The following NRG1 variants were observed in gnomAD, a reference collection of about 807,000 sequenced individuals.
NRG1 encodes the protein pro-neuregulin-1, membrane-bound isoform.
NRG1 carries 18 observed loss-of-function variants against 63.8 expected under a neutral mutation model. The ratio of observed to expected loss-of-function variants is 0.28; its 90% confidence interval spans 0.19 to 0.42. The LOEUF is 0.42. Ranked by LOEUF, NRG1 falls within the 10% of genes least tolerant of loss-of-function variation. The probability of loss-of-function intolerance (pLI) is 1.00; values close to 1 mark genes in which losing one functional copy is unlikely to be tolerated. For synonymous variants in NRG1, 302 were observed against 301.3 expected (o/e 1.00, Z -0.02); for missense variants, 762 against 814.7 (o/e 0.94, Z 0.79).
intron 1 of NRG1, among the ~76,000 whole-genome samples, chr8:32,037,478 A>G (rs963731563): frequency 2.6e-5 from 4 of 152,182 alleles, no homozygotes; most frequent in African/African-American, 9.6e-5. Context: ...CACTCAGGAG[A>G]ATCCGCCTCA....
intron 1 of NRG1, among the ~76,000 whole-genome samples, chr8:31,893,550 C>A (rs1173673513): frequency 6.6e-6 from 1 of 150,942 alleles, no homozygotes; most frequent in East Asian, 1.9e-4. Flanking sequence ...ATATACCTAG[C>A]ATATAACATG....
At position 32,008,531 on chromosome 8, in the gene NRG1, A is replaced by G. The variant is rs148229257; in HGVS notation, c.37+369100A>G. ...TCAAATATTAAATATTTTCTTGAGT[A>G]GAATGTATAGTACATATTTTATACT... On this transcript the variant is annotated intron_variant, in intron 1 of 10. Coordinates refer to the NRG1 transcript ENST00000519301. 2.0e-5 allele frequency among the ~76,000 whole-genome samples: 3 copies of G among 152,200 alleles called. No homozygotes were observed. The East Asian group carries it at 5.8e-4, about 29-fold the overall frequency.
chr8:32,706,485 G>T (rs1264116217), intron 5 of NRG1, among the ~76,000 whole-genome samples: 1 of 152,136 alleles, frequency 6.6e-6, no homozygotes, highest in Admixed American at 6.6e-5. Flanking sequence ...CCATATGATG[G>T]TCAGTTAGCT....
At position 32,421,105 on chromosome 8, in the gene NRG1, A is replaced by G. The variant is rs1816654685; in HGVS notation, c.38-174723A>G. 2.0e-5 allele frequency among the ~76,000 whole-genome samples: 3 copies of G among 152,176 alleles called. No individual in the cohort carries two copies. The South Asian group carries it at 6.2e-4, about 31-fold the overall frequency. On this transcript the variant is annotated intron_variant, in intron 1 of 10. Transcript: ENST00000519301. ...CTTTATAAATTACCCAGTCTCAGGT[A>G]TTTCTTCATAGCAGTGTGAGAACAG...
chr8:31,882,201 A>T (rs958972558), intron 1 of NRG1, among the ~76,000 whole-genome samples: 1 of 151,860 alleles, frequency 6.6e-6, no homozygotes, highest in Non-Finnish European at 1.5e-5. Flanking sequence ...GGCCCTTAAG[A>T]ATTATATTAA....
intron 1 of NRG1, among the ~76,000 whole-genome samples, chr8:32,300,470 G>T (rs547433165): frequency 6.6e-6 from 1 of 152,142 alleles, no homozygotes; most frequent in Non-Finnish European, 1.5e-5. Context: ...GTTTATCCAA[G>T]AATCTCTAAA....
intron 1 of NRG1, among the ~76,000 whole-genome samples, chr8:31,714,480 A>C (rs983614107): frequency 6.6e-6 from 1 of 152,092 alleles, no homozygotes; most frequent in African/African-American, 2.4e-5. Flanking sequence ...GATGAGTATT[A>C]TCTAGTTTTC....
intron 1 of NRG1, among the ~76,000 whole-genome samples, chr8:31,991,958 A>T (rs1408904301): frequency 1.3e-5 from 2 of 151,998 alleles, no homozygotes; most frequent in Non-Finnish European, 2.9e-5. Context: ...TAAAGCATAA[A>T]ATTTAAAGTT....
At chr8:31,767,673 C>T (rs947111265) in intron 1 of NRG1, among the ~76,000 whole-genome samples, 3 of 151,928 alleles carry the variant, frequency 2.0e-5, no homozygotes, top group Admixed American at 6.6e-5. Flanking sequence ...AACCCCGTCT[C>T]TACTAAAAAT....
At chr8:31,926,479 C>T (rs1834365982) in intron 1 of NRG1, among the ~76,000 whole-genome samples, 1 of 152,042 alleles carries the variant, frequency 6.6e-6, no homozygotes, top group South Asian at 2.1e-4. Context: ...GTTATAAGTA[C>T]TAGTATGATC....
rs151174403 is a variant in NRG1 at position 32,352,900 on chromosome 8, CAT to C, written c.38-242914_38-242913del. ...CTCAATTTTTTAAAATATATATATACATATATATATATATAGAGAGAGAGAGA... is the reference window on the plus strand; with the variant it reads ...CTCAATTTTTTAAAATATATATATACATATATATATATAGAGAGAGAGAGA... On this transcript the variant is annotated intron_variant, in intron 1 of 10. Transcript: ENST00000519301. Among the ~76,000 whole-genome samples the C allele has an allele frequency of 1.8e-3, 214 of 121,698 alleles. 3 individuals carry two copies. The highest frequency in any genetic ancestry group is 3.2e-3 in the African/African-American group (108 of 33,280). The allele number at this position is 121,698 out of a possible 152,430, so 79.8% of individuals were successfully genotyped here. A position where few individuals can be genotyped will look rare whatever the true frequency, so the allele number is the denominator to read the frequency against.
chr8:32,144,522 A>G (rs1563836765), intron 1 of NRG1, among the ~76,000 whole-genome samples: 1 of 152,194 alleles, frequency 6.6e-6, no homozygotes. Context: ...CTGTTCTTCT[A>G]TAAATCAGGC....
chr8:32,700,659 G>A (rs1814622286), intron 5 of NRG1, among the ~76,000 whole-genome samples: 1 of 152,156 alleles, frequency 6.6e-6, no homozygotes, highest in African/African-American at 2.4e-5. Context: ...GTTAAAGTTT[G>A]TATCTATGAA....
intron 1 of NRG1, among the ~76,000 whole-genome samples, chr8:32,138,974 GTCAA>G (rs1286907766): frequency 6.6e-6 from 1 of 152,120 alleles, no homozygotes; most frequent in Non-Finnish European, 1.5e-5. Flanking sequence ...AAATCAATCA[GTCAA>G]TCAATCAGTC....
At chr8:32,543,176 T>C (rs1004661863) in intron 1 of NRG1, among the ~76,000 whole-genome samples, 3 of 152,294 alleles carry the variant, frequency 2.0e-5, no homozygotes, top group Non-Finnish European at 2.9e-5. Context: ...CTGCCTTTTA[T>C]AGGCTTATAT....
chr8:32,212,205 A>T (rs570611211), intron 1 of NRG1, among the ~76,000 whole-genome samples: 1 of 152,312 alleles, frequency 6.6e-6, no homozygotes, highest in South Asian at 2.1e-4. Flanking sequence ...ACCATAAAAT[A>T]GGGGCAGGGG....
chr8:32,639,220 A>G (rs1436253177), intron 5 of NRG1, among the ~76,000 whole-genome samples: 1 of 152,124 alleles, frequency 6.6e-6, no homozygotes, highest in Non-Finnish European at 1.5e-5. Flanking sequence ...AGCCTGGCCA[A>G]CATGGAGAAA....
intron 1 of NRG1, among the ~76,000 whole-genome samples, chr8:31,938,333 A>G (rs1801240837): frequency 6.6e-6 from 1 of 152,140 alleles, no homozygotes; most frequent in African/African-American, 2.4e-5. Context: ...CATCTCTCAG[A>G]AAGCCCCATT....
chr8:32,670,049 G>T (rs1168313028), intron 5 of NRG1, among the ~76,000 whole-genome samples: 1 of 152,138 alleles, frequency 6.6e-6, no homozygotes, highest in Non-Finnish European at 1.5e-5. Flanking sequence ...GTCATTAAAT[G>T]TCCAAACACC....
Sources: allele counts gnomAD v4.1 joint callset (sites outside exome capture counted in the v4.1 genomes callset), GRCh38; gene constraint gnomAD v4.1.1; transcripts MANE v1.5; gene names NCBI Gene and HGNC (gene_info 2026-07-23, HGNC 2026-07-21).